Variants in PLCB1 observed in about 807,000 individuals in gnomAD.
The protein encoded by PLCB1 is 1-phosphatidylinositol 4,5-bisphosphate phosphodiesterase beta-1.
PLCB1 carries 46 observed loss-of-function variants against 161.8 expected under a neutral mutation model. The ratio of observed to expected loss-of-function variants is 0.28; its 90% confidence interval spans 0.22 to 0.36. The LOEUF (loss-of-function observed/expected upper bound fraction) is 0.36. Among genes scored for constraint, PLCB1 ranks in the 10% least tolerant of loss-of-function variants. The pLI is 1.00. For synonymous variants in PLCB1, 517 were observed against 503.7 expected (o/e 1.03, Z -0.35); for missense variants, 1,016 against 1,472.5 (o/e 0.69, Z 5.07).
At chr20:8,384,913 C>T (rs551354819) in intron 3 of PLCB1, among the ~76,000 whole-genome samples, 140 of 152,280 alleles carry the variant, frequency 9.2e-4, no homozygotes, top group African/African-American at 3.2e-3. Context: ...CTTCTTCTGG[C>T]ATCTCTGACC....
chr20:8,614,281 A>C (rs921117388), intron 3 of PLCB1, among the ~76,000 whole-genome samples: 2 of 152,048 alleles, frequency 1.3e-5, no homozygotes, highest in Non-Finnish European at 2.9e-5. Flanking sequence ...TGGCCCTGCA[A>C]TTACACACCA....
intron 2 of PLCB1, among the ~76,000 whole-genome samples, chr20:8,307,779 G>A (rs368079682): frequency 2.6e-5 from 4 of 151,716 alleles, no homozygotes; most frequent in South Asian, 2.1e-4. Context: ...AAAATTAGCC[G>A]GGCATAGTGG....
intron 31 of PLCB1, among the ~76,000 whole-genome samples, chr20:8,828,417 A>G (rs1422026567): frequency 6.6e-6 from 1 of 152,214 alleles, no homozygotes; most frequent in East Asian, 1.9e-4. Context: ...TTTTTTAAAC[A>G]TTCTCTTAGG....
chr20:8,519,989 G>A (rs919822412), intron 3 of PLCB1, among the ~76,000 whole-genome samples: 2 of 152,074 alleles, frequency 1.3e-5, no homozygotes, highest in African/African-American at 4.8e-5. Context: ...CTTTTTTAAA[G>A]CATGAATGCT....
intron 2 of PLCB1, among the ~76,000 whole-genome samples, chr20:8,302,495 A>G (rs1371343610): frequency 6.6e-6 from 1 of 152,212 alleles, no homozygotes; most frequent in Non-Finnish European, 1.5e-5. Context: ...TAGACTTTTA[A>G]TTATACTTTA....
intron 31 of PLCB1, among the ~76,000 whole-genome samples, chr20:8,821,761 T>G (rs1355979863): frequency 1.3e-5 from 2 of 151,846 alleles, no homozygotes; most frequent in African/African-American, 4.8e-5. Context: ...TCTGTGGGTT[T>G]GTCAGAAGGT....
intron 3 of PLCB1, among the ~76,000 whole-genome samples, chr20:8,616,421 T>A (rs2123185233): frequency 6.6e-6 from 1 of 152,196 alleles, no homozygotes; most frequent in East Asian, 1.9e-4. Flanking sequence ...AAATTTCAAC[T>A]CATCATATGC....
chr20:8,636,767 G>A (rs1394234963), intron 4 of PLCB1, among the ~76,000 whole-genome samples: 1 of 152,150 alleles, frequency 6.6e-6, no homozygotes, highest in East Asian at 1.9e-4. Flanking sequence ...TCAAACTGAA[G>A]GGAAAATGTC....
chr20:8,610,575 A>G (rs776332347), intron 3 of PLCB1, among the ~76,000 whole-genome samples: 14 of 152,172 alleles, frequency 9.2e-5, no homozygotes, highest in Non-Finnish European at 1.8e-4. Context: ...CAAATTGGCT[A>G]TGACATTTTA....
intron 31 of PLCB1, among the ~76,000 whole-genome samples, chr20:8,813,313 G>GA (rs1421591612): frequency 3.9e-5 from 6 of 152,068 alleles, no homozygotes; most frequent in Non-Finnish European, 8.8e-5. Flanking sequence ...TTTTTTTGAA[G>GA]AAAAAAATGT....
intron 17 of PLCB1, 133 bp from the exon 18 acceptor site, chr20:8,728,917 C>T: frequency 1.9e-6 from 1 of 523,748 alleles, no homozygotes; most frequent in East Asian, 3.5e-5. Flanking sequence ...ACTAAATATC[C>T]CAAAGTAGCC....
intron 3 of PLCB1, among the ~76,000 whole-genome samples, chr20:8,618,862 G>C (rs1988101596): frequency 6.6e-6 from 1 of 152,056 alleles, no homozygotes; most frequent in East Asian, 1.9e-4. Context: ...CTGTGTTTCT[G>C]ATGGTATATT....
At chr20:8,282,945 AATT>A (rs1982943320) in intron 2 of PLCB1, among the ~76,000 whole-genome samples, 1 of 152,186 alleles carries the variant, frequency 6.6e-6, no homozygotes, top group South Asian at 2.1e-4. Flanking sequence ...ACTCTGAGAT[AATT>A]AGGCAAGAGC....
chr20:8,136,623 C>T (rs1239047541), intron 1 of PLCB1, among the ~76,000 whole-genome samples: 3 of 108,944 alleles, frequency 2.8e-5, no homozygotes, highest in African/African-American at 1.3e-4. Flanking sequence ...AAGACTCTGT[C>T]TCAAAAAAAA....
intron 3 of PLCB1, among the ~76,000 whole-genome samples, chr20:8,504,879 T>C (rs1983571907): frequency 6.6e-6 from 1 of 152,164 alleles, no homozygotes; most frequent in South Asian, 2.1e-4. Flanking sequence ...ATAGTTTTTG[T>C]TTTTTAGAGA....
At chr20:8,279,961 T>C (rs1982794464) in intron 2 of PLCB1, among the ~76,000 whole-genome samples, 1 of 152,156 alleles carries the variant, frequency 6.6e-6, no homozygotes, top group Non-Finnish European at 1.5e-5. Flanking sequence ...CATCTCTTGA[T>C]CTGGGTATTC....
intron 2 of PLCB1, among the ~76,000 whole-genome samples, chr20:8,209,152 G>A (rs1476320775): frequency 6.6e-6 from 1 of 152,048 alleles, no homozygotes; most frequent in Non-Finnish European, 1.5e-5. Context: ...AGGAACTCTG[G>A]CTGCTATTTT....
chr20:8,789,448 G>T, intron 29 of PLCB1, 70 bp from the exon 30 acceptor site: 2 of 951,050 alleles, frequency 2.1e-6, no homozygotes, highest in South Asian at 2.6e-5. Context: ...CTTTTATCTA[G>T]AAGTCTGAGA....
In PLCB1 at chr20:8,632,216, C is replaced by T. The variant is rs546689427; in HGVS notation, c.384+3785C>T. On this transcript the variant is annotated intron_variant, in intron 4 of 31. Coordinates refer to ENST00000338037, the MANE Select transcript of PLCB1 (RefSeq NM_015192.4). Reference sequence around the variant, plus strand: ...GGGCCCCAGGAAGGAACACAGTAAACGGGAGAGAGCACTAGAGAAGATGTC... The same window carrying T: ...GGGCCCCAGGAAGGAACACAGTAAATGGGAGAGAGCACTAGAGAAGATGTC... Among the ~76,000 whole-genome samples the T allele has an allele frequency of 2.3e-3, 355 of 151,736 alleles. 1 individual carries two copies. The highest frequency in any genetic ancestry group is 3.7e-3 in the Non-Finnish European group (254 of 67,930).
Sources: allele counts gnomAD v4.1 joint callset (sites outside exome capture counted in the v4.1 genomes callset), GRCh38; gene constraint gnomAD v4.1.1; transcripts MANE v1.5; gene names NCBI Gene and HGNC (gene_info 2026-07-23, HGNC 2026-07-21).